ACTN4: variants seen among roughly 807,000 people sequenced by gnomAD.
ACTN4 encodes actinin alpha 4, also known as alpha-actinin-4.
A neutral mutation model predicts 114.2 loss-of-function variants in ACTN4; 18 were observed. The observed-to-expected ratio is 0.16, with a 90% CI of 0.11 to 0.23. ACTN4 has a LOEUF of 0.23. Ranked by LOEUF, ACTN4 falls within the 10% of genes least tolerant of loss-of-function variation. The pLI is 1.00. For synonymous variants in ACTN4, 515 were observed against 506.3 expected (o/e 1.02, Z -0.23); for missense variants, 722 against 1,262.9 (o/e 0.57, Z 6.49).
intron 1 of ACTN4, among the ~76,000 whole-genome samples, chr19:38,683,664 T>C (rs2144931072): frequency 6.6e-6 from 1 of 152,350 alleles, no homozygotes; most frequent in South Asian, 2.1e-4. Context: ...TTATCGGGCG[T>C]TGCCTGTGCA....
intron 1 of ACTN4, among the ~76,000 whole-genome samples, chr19:38,673,731 A>G (rs1441577346): frequency 9.7e-6 from 1 of 103,598 alleles, no homozygotes; most frequent in Non-Finnish European, 1.9e-5. Flanking sequence ...ATATACTTAT[A>G]TATATTTATA....
intron 1 of ACTN4, among the ~76,000 whole-genome samples, chr19:38,663,203 G>A (rs938105341): frequency 1.8e-4 from 28 of 152,120 alleles, no homozygotes; most frequent in African/African-American, 6.3e-4. Context: ...GAGCCACTGC[G>A]CCCGGCCACA....
intron 1 of ACTN4, among the ~76,000 whole-genome samples, chr19:38,660,418 T>C (rs1444771805): frequency 6.6e-6 from 1 of 151,734 alleles, no homozygotes; most frequent in Non-Finnish European, 1.5e-5. Context: ...CCTTTGAGAC[T>C]GAGTTTCGCT....
chr19:38,729,624 G>C lies in ACTN4; in HGVS notation c.*192G>C, dbSNP rs537081617. 7.2e-6 allele frequency: 6 copies of C among 836,310 alleles called. No homozygotes were observed. Among genetic ancestry groups the C allele is most frequent in the Non-Finnish European group, 1.2e-5 (6 of 509,032 alleles). 51.8% of individuals were successfully genotyped at this position (836,310 alleles called of 1,614,324 possible). ...TGTGGGTTGGCCAGGAGGTTCCCCCGACCAGGTTGGGGAGACTTGGGGCCA... is the reference window on the plus strand; with the variant it reads ...TGTGGGTTGGCCAGGAGGTTCCCCCCACCAGGTTGGGGAGACTTGGGGCCA... On this transcript the variant is annotated 3_prime_UTR_variant, in exon 21 of 21. Transcript: ENST00000252699.
At chr19:38,661,043 C>T (rs1190421129) in intron 1 of ACTN4, among the ~76,000 whole-genome samples, 1 of 152,100 alleles carries the variant, frequency 6.6e-6, no homozygotes, top group Non-Finnish European at 1.5e-5. Context: ...AGCAAGGGGG[C>T]CCCCGAGGAG....
intron 1 of ACTN4, among the ~76,000 whole-genome samples, chr19:38,649,513 T>C (rs1424610856): frequency 2.0e-5 from 3 of 152,158 alleles, no homozygotes; most frequent in African/African-American, 7.2e-5. Flanking sequence ...CCTTGAACTC[T>C]CCGGGCAGTT....
At chr19:38,702,382 G>A (rs774591884) in intron 3 of ACTN4, among the ~76,000 whole-genome samples, 17 of 152,182 alleles carry the variant, frequency 1.1e-4, no homozygotes, top group Non-Finnish European at 1.2e-4. Context: ...CCTTCCACAT[G>A]ATTGGGCATT....
chr19:38,696,195 C>G (rs920966950), intron 1 of ACTN4, among the ~76,000 whole-genome samples: 3 of 152,220 alleles, frequency 2.0e-5, no homozygotes, highest in South Asian at 4.1e-4. Flanking sequence ...GTGGACTGAT[C>G]GCTTGATTAA....
At chr19:38,713,866 C>T (rs896963678) in intron 8 of ACTN4, among the ~76,000 whole-genome samples, 5 of 152,202 alleles carry the variant, frequency 3.3e-5, no homozygotes, top group African/African-American at 4.8e-5. Flanking sequence ...CAGGGCAGGA[C>T]GCTCTCCTGT....
chr19:38,678,499 G>A (rs1168945788), intron 1 of ACTN4, among the ~76,000 whole-genome samples: 1 of 152,188 alleles, frequency 6.6e-6, no homozygotes, highest in Non-Finnish European at 1.5e-5. Flanking sequence ...GGGAAGGAAG[G>A]GAAGTCTAGG....
chr19:38,720,863 C>T (rs1969015699), intron 11 of ACTN4, among the ~76,000 whole-genome samples: 1 of 152,254 alleles, frequency 6.6e-6, no homozygotes, highest in African/African-American at 2.4e-5. Flanking sequence ...GTGCAGCCAC[C>T]TTCCCAGGCT....
At chr19:38,691,914 CAA>C (rs1187083396) in intron 1 of ACTN4, among the ~76,000 whole-genome samples, 5 of 152,086 alleles carry the variant, frequency 3.3e-5, no homozygotes, top group Admixed American at 6.6e-5. Context: ...AACAAACAAA[CAA>C]ACAAAATCCG....
intron 11 of ACTN4, among the ~76,000 whole-genome samples, chr19:38,719,450 C>T (rs746121178): frequency 1.3e-5 from 2 of 152,258 alleles, no homozygotes; most frequent in East Asian, 1.9e-4. Flanking sequence ...TCGCCATTCC[C>T]GCGGCAGCTG....
intron 17 of ACTN4, 150 bp downstream of exon 17, chr19:38,726,053 C>A: frequency 9.1e-7 from 1 of 1,098,942 alleles, no homozygotes; most frequent in Non-Finnish European, 1.3e-6. Context: ...CTTTGGGAGG[C>A]CAAGTGGGAG....
In ACTN4 at chr19:38,677,765, G is replaced by A. The variant is rs569323773; in HGVS notation, c.163-22835G>A. Reference sequence around the variant, plus strand: ...TTTTTTTCTTTTTCTTTTTTGAGACGGAGTCTCGCTGTGTTGCCCAGGCTG... The same window carrying A: ...TTTTTTTCTTTTTCTTTTTTGAGACAGAGTCTCGCTGTGTTGCCCAGGCTG... On this transcript the variant is annotated intron_variant, in intron 1 of 20. Transcript: ENST00000252699. 9.1e-4 allele frequency among the ~76,000 whole-genome samples: 138 copies of A among 152,088 alleles called. 5 individuals carry two copies. In the South Asian group the frequency reaches 0.028, roughly 31 times the overall value.
At chr19:38,691,401 CAAAA>C (rs34899917) in intron 1 of ACTN4, among the ~76,000 whole-genome samples, 1 of 52,854 alleles carries the variant, frequency 1.9e-5, no homozygotes, top group Non-Finnish European at 3.9e-5. Context: ...AACTCCGTCT[CAAAA>C]AAAAAAAAAC....
At chr19:38,702,917 G>A (rs575046764) in intron 3 of ACTN4, among the ~76,000 whole-genome samples, 2 of 152,292 alleles carry the variant, frequency 1.3e-5, no homozygotes, top group Non-Finnish European at 2.9e-5. Flanking sequence ...GTCTCCTGTG[G>A]TGTCCTGGGC....
intron 11 of ACTN4, 58 bp from the exon 12 acceptor site, chr19:38,721,480 C>T (rs1326323590): frequency 1.2e-6 from 2 of 1,606,866 alleles, no homozygotes; most frequent in African/African-American, 2.7e-5. Flanking sequence ...ACAGCCCCTC[C>T]AGACTCCTGC....
At chr19:38,697,687 G>A (rs1255695368) in intron 1 of ACTN4, among the ~76,000 whole-genome samples, 1 of 152,234 alleles carries the variant, frequency 6.6e-6, no homozygotes, top group African/African-American at 2.4e-5. Context: ...CTGCAGCCCA[G>A]GTGCCTAGGT....
Sources: allele counts gnomAD v4.1 joint callset (sites outside exome capture counted in the v4.1 genomes callset), GRCh38; gene constraint gnomAD v4.1.1; transcripts MANE v1.5; gene names NCBI Gene and HGNC (gene_info 2026-07-23, HGNC 2026-07-21).